KCNQ3: variants seen among roughly 807,000 people sequenced by gnomAD.
The protein encoded by KCNQ3 is potassium voltage-gated channel subfamily KQT member 3.
Under a neutral mutation model 92.5 loss-of-function variants are expected in KCNQ3, and 30 were observed. That is an observed-to-expected ratio of 0.32 (90% CI 0.24 to 0.44). The LOEUF (loss-of-function observed/expected upper bound fraction) is 0.44, where lower values mean the gene tolerates loss of function less well. Among genes scored for constraint, KCNQ3 ranks in the 20% least tolerant of loss-of-function variants. The pLI is 1.00. For missense variants in KCNQ3, 913 were observed against 1,140.3 expected, an observed-to-expected ratio of 0.80 and a Z score of 2.87; for synonymous variants, 450 against 468.8, an observed-to-expected ratio of 0.96 and a Z score of 0.52.
At chr8:132,293,983 T>G (rs1045259660) in intron 1 of KCNQ3, among the ~76,000 whole-genome samples, 31 of 147,402 alleles carry the variant, frequency 2.1e-4, no homozygotes, top group Middle Eastern at 3.4e-3. Flanking sequence ...TCACTAAGGG[T>G]TTTTTGTGTG....
intron 1 of KCNQ3, among the ~76,000 whole-genome samples, chr8:132,453,748 C>A (rs114954179): frequency 6.6e-6 from 1 of 152,122 alleles, no homozygotes; most frequent in African/African-American, 2.4e-5. Flanking sequence ...ACACAACAGA[C>A]TCCTGATAAA....
intron 9 of KCNQ3, among the ~76,000 whole-genome samples, chr8:132,158,790 G>C (rs1425070816): frequency 6.6e-6 from 1 of 152,212 alleles, no homozygotes; most frequent in Non-Finnish European, 1.5e-5. Flanking sequence ...CGGGGAAGCA[G>C]TCAGCATTCT....
At chr8:132,326,804 A>T (rs756046158) in intron 1 of KCNQ3, among the ~76,000 whole-genome samples, 9 of 152,232 alleles carry the variant, frequency 5.9e-5, no homozygotes, top group Admixed American at 1.3e-4. Context: ...CTTTATAAAC[A>T]ACCCAGTCCC....
intron 9 of KCNQ3, among the ~76,000 whole-genome samples, chr8:132,153,709 A>G (rs1825704848): frequency 6.8e-6 from 1 of 147,476 alleles, no homozygotes; most frequent in Non-Finnish European, 1.5e-5. Flanking sequence ...ATATGTGGGT[A>G]ATAGTGGATA....
intron 1 of KCNQ3, among the ~76,000 whole-genome samples, chr8:132,252,424 A>G (rs1285548002): frequency 2.6e-5 from 4 of 152,132 alleles, no homozygotes; most frequent in Non-Finnish European, 5.9e-5. Flanking sequence ...CGGTGGGTTC[A>G]TAGTCTCGCT....
intron 1 of KCNQ3, among the ~76,000 whole-genome samples, chr8:132,344,863 C>G (rs187087889): frequency 6.6e-6 from 1 of 152,042 alleles, no homozygotes; most frequent in Non-Finnish European, 1.5e-5. Flanking sequence ...GGGCAACTTA[C>G]GAGCAGCAGT....
chr8:132,133,533 TTTAGTAGAGATGGG>T, intron 13 of KCNQ3, among the ~76,000 whole-genome samples: 1 of 151,998 alleles, frequency 6.6e-6, no homozygotes, highest in Non-Finnish European at 1.5e-5. Context: ...TTTTTGTATT[TTTAGTAGAGATGGG>T]GTTTCACTAT....
intron 1 of KCNQ3, among the ~76,000 whole-genome samples, chr8:132,284,918 C>A (rs554675406): frequency 3.4e-4 from 52 of 152,356 alleles, no homozygotes; most frequent in Non-Finnish European, 5.9e-4. Flanking sequence ...TCTTTGCATG[C>A]ACTTGCTTGC....
In KCNQ3 at chr8:132,232,829, T is replaced by C. The variant is rs112168708; in HGVS notation, c.387-46648A>G. ...GTTCGTGTGACTTTGTTTTGGCCAA[T>C]GAAATGTGCTAGGAAGTCTTTTGGT... On this transcript the variant is annotated intron_variant, in intron 1 of 14. Coordinates refer to ENST00000388996, the MANE Select transcript of KCNQ3 (RefSeq NM_004519.4). Among the ~76,000 whole-genome samples, 1,157 of 152,302 alleles carry C rather than the reference T, an allele frequency of 7.6e-3. 13 individuals carry two copies. The highest frequency in any genetic ancestry group is 0.025 in the African/African-American group (1,038 of 41,572).
chr8:132,376,473 G>C (rs1356773029), intron 1 of KCNQ3, among the ~76,000 whole-genome samples: 1 of 152,208 alleles, frequency 6.6e-6, no homozygotes, highest in Non-Finnish European at 1.5e-5. Context: ...CATTAATTGG[G>C]AGTTTTTTGG....
chr8:132,397,284 C>G (rs1000152706), intron 1 of KCNQ3, among the ~76,000 whole-genome samples: 4 of 152,100 alleles, frequency 2.6e-5, no homozygotes, highest in Non-Finnish European at 5.9e-5. Flanking sequence ...TCAGTGCCCT[C>G]TTTCAAGGTA....
At chr8:132,470,499 C>T (rs1295551114) in intron 1 of KCNQ3, among the ~76,000 whole-genome samples, 1 of 151,992 alleles carries the variant, frequency 6.6e-6, no homozygotes, top group East Asian at 1.9e-4. Context: ...TGTATATGTG[C>T]CGAACCATTT....
intron 1 of KCNQ3, among the ~76,000 whole-genome samples, chr8:132,214,716 C>T (rs577240917): frequency 4.6e-4 from 70 of 152,366 alleles, no homozygotes; most frequent in Non-Finnish European, 8.7e-4. Context: ...TTATGTCATT[C>T]CTTCATTAAC....
intron 9 of KCNQ3, among the ~76,000 whole-genome samples, chr8:132,149,712 A>G (rs1825574954): frequency 6.6e-6 from 1 of 152,106 alleles, no homozygotes; most frequent in Non-Finnish European, 1.5e-5. Context: ...TGGGCCAGGC[A>G]GCTGCCTGTC....
chr8:132,426,391 A>G (rs1208335971), intron 1 of KCNQ3, among the ~76,000 whole-genome samples: 1 of 152,178 alleles, frequency 6.6e-6, no homozygotes, highest in African/African-American at 2.4e-5. Context: ...AAATAAGCCA[A>G]TCAGATCCTC....
chr8:132,310,912 A>T (rs1255337804), intron 1 of KCNQ3, among the ~76,000 whole-genome samples: 1 of 152,148 alleles, frequency 6.6e-6, no homozygotes, highest in Non-Finnish European at 1.5e-5. Flanking sequence ...ACTATAAACA[A>T]ATGGTATCAG....
At chr8:132,366,756 G>A (rs1328615936) in intron 1 of KCNQ3, among the ~76,000 whole-genome samples, 2 of 152,040 alleles carry the variant, frequency 1.3e-5, no homozygotes, top group East Asian at 3.9e-4. Flanking sequence ...AATTTACTGA[G>A]GTGAAAAATG....
chr8:132,335,198 GC>G (rs1818335213), intron 1 of KCNQ3, among the ~76,000 whole-genome samples: 3 of 152,000 alleles, frequency 2.0e-5, no homozygotes, highest in Admixed American at 2.0e-4. Context: ...GTGCCACCAT[GC>G]CCAGCTAATT....
At chr8:132,313,725 CT>C (rs1469089237) in intron 1 of KCNQ3, among the ~76,000 whole-genome samples, 9 of 152,054 alleles carry the variant, frequency 5.9e-5, no homozygotes, top group Non-Finnish European at 1.3e-4. Context: ...CAATATTATC[CT>C]TTTGAAAAAT....
Sources: allele counts gnomAD v4.1 joint callset (sites outside exome capture counted in the v4.1 genomes callset), GRCh38; gene constraint gnomAD v4.1.1; transcripts MANE v1.5; gene names NCBI Gene and HGNC (gene_info 2026-07-23, HGNC 2026-07-21).